The following AGAP1 variants were observed in gnomAD, a reference collection of about 807,000 sequenced individuals.
AGAP1 encodes the protein ArfGAP with GTPase domain, ankyrin repeat and PH domain 1.
A neutral mutation model predicts 105.3 loss-of-function variants in AGAP1; 29 were observed. The observed-to-expected ratio is 0.28, with a 90% CI of 0.21 to 0.38. AGAP1 has a LOEUF of 0.38. Ranked by LOEUF, AGAP1 falls within the 10% of genes least tolerant of loss-of-function variation. The probability of loss-of-function intolerance (pLI) is 1.00; values close to 1 mark genes in which losing one functional copy is unlikely to be tolerated. For missense variants in AGAP1, 998 were observed against 1,165.1 expected (o/e 0.86, Z 2.09); for synonymous variants, 509 against 485.9 (o/e 1.05, Z -0.63).
rs2125444048 is a variant in AGAP1 at position 235,988,904 on chromosome 2, C to T, written c.1645+20281C>T. 6.6e-6 allele frequency among the ~76,000 whole-genome samples: 1 copy of T among 152,302 alleles called. No individual in the cohort carries two copies. The highest frequency in any genetic ancestry group is 1.5e-5 in the Non-Finnish European group (1 of 68,034). On this transcript the variant is annotated intron_variant, in intron 13 of 17. Transcript: ENST00000304032. The surrounding 1 kb of genome is among the most constrained non-coding windows in gnomAD (Gnocchi z 4.7). ...GTAACTTGCTTCAGCGCCACTTTGC[C>T]TGGGTGCTGGTGATCCTCCAGTTCT... is the stretch of plus-strand genomic sequence containing the variant.
chr2:236,021,596 T>C (rs2056886380), intron 13 of AGAP1, among the ~76,000 whole-genome samples: 1 of 152,178 alleles, frequency 6.6e-6, no homozygotes, highest in Non-Finnish European at 1.5e-5. Flanking sequence ...GCTTTGTCTT[T>C]CTAAACTGAA....
At chr2:235,685,274 C>T (rs1263388670) in intron 1 of AGAP1, among the ~76,000 whole-genome samples, 1 of 151,878 alleles carries the variant, frequency 6.6e-6, no homozygotes, top group Non-Finnish European at 1.5e-5. Context: ...TGGGTTCCTC[C>T]CTTCCTGGGT....
chr2:235,541,898 A>G (rs997215561), intron 1 of AGAP1, among the ~76,000 whole-genome samples: 4 of 152,190 alleles, frequency 2.6e-5, no homozygotes, highest in African/African-American at 7.2e-5. Flanking sequence ...GCACGTCGCT[A>G]TAGTTCATCC....
intron 6 of AGAP1, among the ~76,000 whole-genome samples, chr2:235,782,198 A>T (rs1030710740): frequency 1.1e-4 from 16 of 151,894 alleles, no homozygotes; most frequent in Admixed American, 6.6e-5. Context: ...GGTTGAGTGG[A>T]TTTTCAATCT....
Position 236,040,708 on chromosome 2 carries a change from C to T in AGAP1, c.1801-43C>T, listed in dbSNP as rs377419178. The T allele has an allele frequency of 9.2e-5, 147 of 1,596,284 alleles. No individual in the cohort carries two copies. The highest frequency in any genetic ancestry group is 1.3e-4 in the African/African-American group (10 of 74,572). On this transcript the variant is annotated intron_variant, in intron 14 of 17. Transcript: ENST00000304032. This position sits in a 1 kb window ranked among gnomAD's most constrained non-coding sequence, Gnocchi z 5.6. ...TGTTATCAGTGATGTGCGTTTCTCC[C>T]GGGGTGCTTACGCCTTGTATTTGTG...
chr2:235,671,452 G>C (rs11695513), intron 1 of AGAP1, among the ~76,000 whole-genome samples: 42,787 of 152,092 alleles, frequency 0.28, 6,795 homozygotes, highest in East Asian at 0.44. Flanking sequence ...GCACAGGTGC[G>C]GCTGCCTGGA....
Position 235,733,267 on chromosome 2 carries a change from TC to T in AGAP1, c.311-7694del, listed in dbSNP as rs1433756506. ...GGAGAGCCTTTGCCGGCCATTCACT[TC>T]CAAGGCTTTCTTATTTCCATTCCTC... is the stretch of plus-strand genomic sequence containing the variant. On this transcript the variant is annotated intron_variant, in intron 3 of 17. Transcript: ENST00000304032. The surrounding 1 kb of genome is among the most constrained non-coding windows in gnomAD (Gnocchi z 5.0). 1.3e-5 allele frequency among the ~76,000 whole-genome samples: 2 copies of T among 152,174 alleles called. No individual in the cohort carries two copies. The highest frequency in any genetic ancestry group is 3.9e-4 in the East Asian group (2 of 5,182).
At chr2:235,895,309 A>C (rs1315230926) in intron 10 of AGAP1, among the ~76,000 whole-genome samples, 1 of 152,008 alleles carries the variant, frequency 6.6e-6, no homozygotes, top group Non-Finnish European at 1.5e-5. Context: ...CGCTTGGTTG[A>C]TGTCCGTGCC....
chr2:235,995,669 G>A (rs995575377), intron 13 of AGAP1, among the ~76,000 whole-genome samples: 2 of 152,192 alleles, frequency 1.3e-5, no homozygotes, highest in Non-Finnish European at 2.9e-5. Flanking sequence ...GTCCGATTCT[G>A]CCATCAAGAA....
At chr2:235,807,207 AC>A in intron 8 of AGAP1, 31 bp from the exon 9 acceptor site, 1 of 1,602,120 alleles carries the variant, frequency 6.2e-7, no homozygotes, top group Admixed American at 1.8e-5. Context: ...CACAGCCCTT[AC>A]CCAGATGCCA....
rs7568328 is a variant in AGAP1 at position 235,879,697 on chromosome 2, G to A, written c.1051-3648G>A. On this transcript the variant is annotated intron_variant, in intron 9 of 17. Coordinates refer to ENST00000304032, the MANE Select transcript of AGAP1 (RefSeq NM_001037131.3). This position sits in a 1 kb window ranked among gnomAD's most constrained non-coding sequence, Gnocchi z 5.0. The stretch of plus-strand genomic sequence containing the variant: ...ACCCCAGCACTTCTGGGAAGCCATG[G>A]TGGGAGGATTGCTTGAGCCCAGGAG... Among the ~76,000 whole-genome samples, 41 of 152,276 alleles carry A rather than the reference G, an allele frequency of 2.7e-4. 1 individual carries two copies. Among genetic ancestry groups the A allele is most frequent in the African/African-American group, 9.4e-4 (39 of 41,554 alleles).
intron 1 of AGAP1, chr2:235,670,032 C>A: frequency 2.8e-6 from 1 of 354,604 alleles, no homozygotes; most frequent in Non-Finnish European, 5.0e-6. Flanking sequence ...CTGCCCTCCC[C>A]GCTTGGCCCG....
In AGAP1 at chr2:236,101,603, A is replaced by C. The variant is rs1285485944; in HGVS notation, c.2115-18589A>C. On this transcript the variant is annotated intron_variant, in intron 16 of 17. Coordinates refer to ENST00000304032, the MANE Select transcript of AGAP1 (RefSeq NM_001037131.3). The surrounding 1 kb of genome is among the most constrained non-coding windows in gnomAD (Gnocchi z 4.9). ...CGGTGCACGTACAGCGAGGGCTTAC[A>C]TCCACTTTACGGGATCCGGAGCGGA... is the stretch of plus-strand genomic sequence containing the variant. 1.3e-5 allele frequency among the ~76,000 whole-genome samples: 2 copies of C among 152,140 alleles called. No individual in the cohort carries two copies. The highest frequency in any genetic ancestry group is 4.8e-5 in the African/African-American group (2 of 41,424).
At chr2:235,868,981 A>G (rs6741609) in intron 9 of AGAP1, among the ~76,000 whole-genome samples, 72,722 of 151,980 alleles carry the variant, frequency 0.48, 17,603 homozygotes, top group South Asian at 0.65. Context: ...TATTTTGGTT[A>G]TAGGTCATTA....
Position 236,040,686 on chromosome 2 carries a change from T to G in AGAP1, c.1801-65T>G. ...AATCTGTTTGATCTTTCCCTGATGT[T>G]ATCAGTGATGTGCGTTTCTCCCGGG... On this transcript the variant is annotated intron_variant, in intron 14 of 17. Coordinates refer to ENST00000304032, the MANE Select transcript of AGAP1 (RefSeq NM_001037131.3). This position sits in a 1 kb window ranked among gnomAD's most constrained non-coding sequence, Gnocchi z 5.6. 6.8e-7 allele frequency: 1 copy of G among 1,481,174 alleles called. No individual in the cohort carries two copies. Among genetic ancestry groups the G allele is most frequent in the South Asian group, 1.1e-5 (1 of 87,260 alleles). 91.8% of individuals were successfully genotyped at this position (1,481,174 alleles called of 1,614,324 possible).
intron 11 of AGAP1, among the ~76,000 whole-genome samples, chr2:235,925,504 C>T (rs1176739474): frequency 6.6e-6 from 1 of 152,178 alleles, no homozygotes; most frequent in African/African-American, 2.4e-5. Flanking sequence ...CCCCACGCAC[C>T]TTGCAATCCT....
chr2:235,796,282 A>G (rs976077491), intron 6 of AGAP1, among the ~76,000 whole-genome samples: 1 of 152,242 alleles, frequency 6.6e-6, no homozygotes, highest in African/African-American at 2.4e-5. Context: ...CACATTTTGC[A>G]TCTGTTGAAA....
intron 9 of AGAP1, among the ~76,000 whole-genome samples, chr2:235,837,302 G>T (rs546541209): frequency 2.0e-5 from 3 of 151,612 alleles, no homozygotes; most frequent in East Asian, 1.9e-4. Flanking sequence ...GTTTTTTTTT[G>T]AAAGGTTTAG....
chr2:235,862,001 A>G (rs1186944948), intron 9 of AGAP1, among the ~76,000 whole-genome samples: 5 of 152,154 alleles, frequency 3.3e-5, no homozygotes, highest in African/African-American at 1.2e-4. Flanking sequence ...GCTTGAGCTC[A>G]TTCTTTTCGT....
Sources: allele counts gnomAD v4.1 joint callset (sites outside exome capture counted in the v4.1 genomes callset), GRCh38; gene constraint gnomAD v4.1.1; non-coding constraint Gnocchi (gnomAD v3.1); transcripts MANE v1.5; gene names NCBI Gene and HGNC (gene_info 2026-07-23, HGNC 2026-07-21).